ARHGAP9: variants seen among roughly 807,000 people sequenced by gnomAD.
ARHGAP9 encodes rho GTPase-activating protein 9.
In ARHGAP9, 76 loss-of-function variants were observed where a neutral mutation model predicts 87.3. The observed-to-expected ratio is 0.87, with a 90% CI of 0.72 to 1.05. The LOEUF is 1.05. Among genes scored for constraint, ARHGAP9 ranks in the 50% least tolerant of loss-of-function variants. The pLI, the probability that ARHGAP9 is intolerant of heterozygous loss-of-function variation, is 0.00. For missense variants in ARHGAP9, 941 were observed against 960.5 expected (o/e 0.98, Z 0.27); for synonymous variants, 382 against 394.9 (o/e 0.97, Z 0.39).
intron 10 of ARHGAP9, 23 bp from the exon 11 acceptor site, chr12:57,475,638 C>T (rs763205664): frequency 6.2e-7 from 1 of 1,603,038 alleles, no homozygotes; most frequent in Non-Finnish European, 8.5e-7. Context: ...CGGGCCGTGT[C>T]GAAGGTGAGA....
chr12:57,473,622 G>C lies in ARHGAP9; in HGVS notation c.2005C>G (p.Leu669Val), dbSNP rs760469593. ...CCTGACCTGCATAAATGCTCCAGGA[G>C]GTACCGTAGAGTGTCATGGTTGGGC... ...PKPNHDTLRYLLEHLCRVIAH... is the reference protein window; with the variant it reads ...PKPNHDTLRYVLEHLCRVIAH... Residue 669 changes from leucine to valine, a missense_variant, in exon 17 of 18, where the codon CTC (leucine) becomes GTC (valine). Coordinates refer to ENST00000393791, the MANE Select transcript of ARHGAP9 (RefSeq NM_032496.4). 1 of 1,613,694 alleles carries C rather than the reference G, an allele frequency of 6.2e-7. No homozygotes were observed. Among genetic ancestry groups the C allele is most frequent in the Non-Finnish European group, 8.5e-7 (1 of 1,179,646 alleles).
In ARHGAP9 at chr12:57,476,054, C is replaced by T. The variant is rs1224295088; in HGVS notation, c.1212+17G>A. The stretch of plus-strand genomic sequence containing the variant: ...CGGGTCGGGTGGGGCCTTGGGGACG[C>T]GCGGGAGGGCGCTCACGTGCAGGAC... On this transcript the variant is annotated intron_variant, in intron 9 of 17. Coordinates refer to ENST00000393791, the MANE Select transcript of ARHGAP9 (RefSeq NM_032496.4). 1.3e-5 allele frequency: 20 copies of T among 1,515,864 alleles called. No individual in the cohort carries two copies. Among genetic ancestry groups the T allele is most frequent in the Non-Finnish European group, 1.7e-5 (19 of 1,132,664 alleles). 93.9% of individuals were successfully genotyped at this position (1,515,864 alleles called of 1,614,324 possible). A position where few individuals can be genotyped will look rare whatever the true frequency, so the allele number is the denominator to read the frequency against.
chr12:57,475,418 C>T lies in ARHGAP9; in HGVS notation c.1445-20G>A, dbSNP rs372576936. On this transcript the variant is annotated intron_variant, in intron 11 of 17. Transcript: ENST00000393791. ...CCCGAACTGCAGGAGGCAGGTAGAG[C>T]GGGGCGTGAGCGCCCGGGAGCCTCG... 1.7e-3 allele frequency: 2,613 copies of T among 1,582,850 alleles called. 25 individuals carry two copies. Among genetic ancestry groups the T allele is most frequent in the South Asian group, 0.016 (1,414 of 87,424 alleles).
rs761890422 is a variant in ARHGAP9 at position 57,479,121 on chromosome 12, C to T, written c.286G>A (p.Val96Ile). The change falls in exon 2 of 18, where the codon GTC (valine) becomes ATC (isoleucine). Residue 96 changes from valine (V) to isoleucine (I), a missense_variant. Transcript: ENST00000393791. Reference sequence around the variant, plus strand: ...GTCCAGAGCAATTGGCCGGGGATGACGGTAGTTGGACTCTGGGAAGGGATG... The same window carrying T: ...GTCCAGAGCAATTGGCCGGGGATGATGGTAGTTGGACTCTGGGAAGGGATG... Reference protein sequence around the residue: ...ESIPSQSPTTVIPGQLLWTPG... With the variant: ...ESIPSQSPTTIIPGQLLWTPG... 13 of 1,613,996 alleles carry T rather than the reference C, an allele frequency of 8.1e-6. No homozygotes were observed. The East Asian group carries it at 8.9e-5, about 11-fold the overall frequency.
upstream of ARHGAP9, among the ~76,000 whole-genome samples, chr12:57,483,495 C>G (rs1875175098): frequency 6.6e-6 from 1 of 152,190 alleles, no homozygotes; most frequent in African/African-American, 2.4e-5. Context: ...TGCTACTCTC[C>G]TGACTTAGAC....
At chr12:57,477,891 C>T (rs1874378224) in intron 3 of ARHGAP9, 1 of 1,360,856 alleles carries the variant, frequency 7.3e-7, no homozygotes. Context: ...CTTCTCCTCA[C>T]TTCCTGTTGC....
chr12:57,488,243 C>T (rs1264814209), intron 1 of ARHGAP9: 6 of 1,548,022 alleles, frequency 3.9e-6, no homozygotes, highest in South Asian at 2.2e-5. Flanking sequence ...GGGGGCGGGA[C>T]CGAAACACGC....
intron 3 of ARHGAP9, chr12:57,478,231 T>C (rs976169976): frequency 1.2e-4 from 44 of 368,080 alleles, no homozygotes; most frequent in African/African-American, 8.2e-4. Context: ...CACTGCGCCC[T>C]GTGCCCTGTC....
At position 57,476,138 on chromosome 12, in the gene ARHGAP9, C is replaced by G; in HGVS notation, c.1145G>C (p.Ser382Thr). 6.5e-7 allele frequency: 1 copy of G among 1,543,330 alleles called. No individual in the cohort carries two copies. ...CAGGGCCGCCCCGCGCAGGTCCACG[C>G]TACTTTCGGGCCGGCTACCCGCTGG... ...WGPAGSRPES[S>T]VDLRGAALAH... The change falls in exon 9 of 18, where the codon AGC becomes ACC. Residue 382 changes from serine (S) to threonine (T), a missense_variant. Transcript: ENST00000393791.
upstream of ARHGAP9, among the ~76,000 whole-genome samples, chr12:57,481,055 T>C (rs1007118374): frequency 1.3e-5 from 2 of 152,220 alleles, no homozygotes; most frequent in Non-Finnish European, 1.5e-5. Context: ...TATTCACTTA[T>C]TTATTCATTT....
upstream of ARHGAP9, among the ~76,000 whole-genome samples, chr12:57,483,437 C>T (rs1875172463): frequency 6.6e-6 from 1 of 152,198 alleles, no homozygotes; most frequent in African/African-American, 2.4e-5. Context: ...CCCTTCCAAC[C>T]ATTCCTGACA....
chr12:57,484,707 C>T (rs904106023), upstream of ARHGAP9, among the ~76,000 whole-genome samples: 7 of 152,150 alleles, frequency 4.6e-5, no homozygotes, highest in Non-Finnish European at 2.9e-5. Flanking sequence ...TACAGTGGTG[C>T]GATCCCGGCT....
rs1392088717 is a variant in ARHGAP9 at position 57,476,389 on chromosome 12, G to T, written c.1091C>A (p.Pro364Gln). Residue 364 changes from proline to glutamine, a missense_variant, in exon 8 of 18, where the codon CCG becomes CAG. Pro to Gln is a moderately conservative substitution (Grantham distance 76). Transcript: ENST00000393791. ...CCAGCCTGAGGAGGGCGCTGTCGGC[G>T]GTGGCTCTCGGTAGAACACCAGGCT... ...GNSLVFYREP[P>Q]PTAPSSGWGP... is the part of the protein sequence containing the mutation. 1.9e-6 allele frequency: 3 copies of T among 1,614,016 alleles called. No individual in the cohort carries two copies. The highest frequency in any genetic ancestry group is 2.7e-5 in the African/African-American group (2 of 75,042).
At position 57,477,686 on chromosome 12, in the gene ARHGAP9, A is replaced by G; in HGVS notation, c.535-6T>C. On this transcript the variant is annotated splice_region_variant and splice_polypyrimidine_tract_variant and intron_variant, in intron 3 of 17. Coordinates refer to ENST00000393791, the MANE Select transcript of ARHGAP9 (RefSeq NM_032496.4). ...ATGAGGGGCTGGGGGCCTGCCTGCC[A>G]GAAAAGGGGGAAGAAGGAGGTGGTC... 1 of 1,610,652 alleles carries G rather than the reference A, an allele frequency of 6.2e-7. No individual in the cohort carries two copies. The highest frequency in any genetic ancestry group is 8.5e-7 in the Non-Finnish European group (1 of 1,177,534).
upstream of ARHGAP9, chr12:57,480,818 G>A: frequency 6.4e-7 from 1 of 1,550,516 alleles, no homozygotes; most frequent in Non-Finnish European, 8.7e-7. Flanking sequence ...CTTCTCCACT[G>A]CACAATGTGA....
In ARHGAP9 at chr12:57,475,533, G is replaced by C. The variant is rs1280457526; in HGVS notation, c.1394C>G (p.Ser465Trp). ...CAGCAGCGGCTTGGACACCAGCTCC[G>C]ACTCCTCTTCTTCGTCCTCCCCGGC... The part of the protein sequence containing the change: ...LSAGEDEEEE[S>W]ELVSKPLLRL... The change falls in exon 11 of 18, where the codon TCG (serine) becomes TGG (tryptophan). Residue 465 changes from serine (S) to tryptophan (W), a missense_variant. Coordinates refer to ENST00000393791, the MANE Select transcript of ARHGAP9 (RefSeq NM_032496.4). 6.2e-7 allele frequency: 1 copy of C among 1,605,522 alleles called. No homozygotes were observed.
In ARHGAP9 at chr12:57,479,856, A is replaced by C. The variant is rs548140383; in HGVS notation, c.-145T>G. On this transcript the variant is annotated 5_prime_UTR_variant, in exon 1 of 18. Coordinates refer to ENST00000393791, the MANE Select transcript of ARHGAP9 (RefSeq NM_032496.4). Reference sequence around the variant, plus strand: ...TTCAAGACAGAAACAGGGAGACACAAGGTTAATGACAAAGACAAAAATGTG... The same window carrying C: ...TTCAAGACAGAAACAGGGAGACACACGGTTAATGACAAAGACAAAAATGTG... 1 of 1,482,170 alleles carries C rather than the reference A, an allele frequency of 6.7e-7. No homozygotes were observed. The highest frequency in any genetic ancestry group is 1.3e-5 in the South Asian group (1 of 74,086). The allele number at this position is 1,482,170 out of a possible 1,614,324, so 91.8% of individuals were successfully genotyped here.
chr12:57,488,354 TC>T, intron 1 of ARHGAP9: 1 of 750,410 alleles, frequency 1.3e-6, no homozygotes. Context: ...CCTTCTTCCC[TC>T]CCAGTCACAT....
chr12:57,488,074 G>C, intron 1 of ARHGAP9: 1 of 1,610,728 alleles, frequency 6.2e-7, no homozygotes. Context: ...TTGCATCAGC[G>C]AGGGATTCAC....
Sources: allele counts gnomAD v4.1 joint callset (sites outside exome capture counted in the v4.1 genomes callset), GRCh38; gene constraint gnomAD v4.1.1; transcripts MANE v1.5; gene names NCBI Gene and HGNC (gene_info 2026-07-23, HGNC 2026-07-21).